The following ARHGAP28 variants were observed in gnomAD, a reference collection of about 807,000 sequenced individuals.
ARHGAP28 encodes Rho GTPase activating protein 28.
A neutral mutation model predicts 90.7 loss-of-function variants in ARHGAP28; 56 were observed. The observed-to-expected ratio is 0.62, with a 90% CI of 0.50 to 0.77. The LOEUF is 0.77. ARHGAP28 is among the 30% of genes least tolerant of loss of function. The pLI is 0.00. For missense variants in ARHGAP28, 869 were observed against 900.9 expected (o/e 0.96, Z 0.45); for synonymous variants, 308 against 323.3 (o/e 0.95, Z 0.51).
At chr18:6,840,060 C>G (rs541997639) in intron 3 of ARHGAP28, among the ~76,000 whole-genome samples, 1 of 152,204 alleles carries the variant, frequency 6.6e-6, no homozygotes. Flanking sequence ...TTCTTGTATC[C>G]CCCGAAGTGG....
chr18:6,758,658 A>G (rs1486282586), intron 1 of ARHGAP28, among the ~76,000 whole-genome samples: 1 of 152,222 alleles, frequency 6.6e-6, no homozygotes, highest in African/African-American at 2.4e-5. Flanking sequence ...CCAGAAAACC[A>G]GAAGGGAAAG....
intron 1 of ARHGAP28, among the ~76,000 whole-genome samples, chr18:6,813,984 AAGCAG>A (rs1567956185): frequency 6.6e-6 from 1 of 152,096 alleles, no homozygotes; most frequent in Non-Finnish European, 1.5e-5. Flanking sequence ...GGAACTTAGG[AAGCAG>A]CCTTCTCAAA....
intron 16 of ARHGAP28, among the ~76,000 whole-genome samples, chr18:6,908,135 A>ATTTTG (rs1225820626): frequency 6.6e-6 from 1 of 151,214 alleles, no homozygotes; most frequent in Non-Finnish European, 1.5e-5. Context: ...GTTTTATTTT[A>ATTTTG]TTTTATTTTA....
intron 1 of ARHGAP28, among the ~76,000 whole-genome samples, chr18:6,802,335 CTTTTTTTTT>C (rs35950139): frequency 1.9e-4 from 10 of 52,762 alleles, no homozygotes; most frequent in African/African-American, 2.3e-4. Flanking sequence ...TATGGTAGTT[CTTTTTTTTT>C]TTTTTTTTTT....
In ARHGAP28 at chr18:6,826,833, G is replaced by A. The variant is rs550602417; in HGVS notation, c.325+1869G>A. Among the ~76,000 whole-genome samples the A allele has an allele frequency of 9.2e-5, 14 of 151,938 alleles. No homozygotes were observed. The East Asian group carries it at 2.1e-3, about 23-fold the overall frequency. ...GGTTTTCCTAGGCAGAGGACCCTGCGGCCTTCCGCAGTGTTTGTGTCCCTG... is the reference window on the plus strand; with the variant it reads ...GGTTTTCCTAGGCAGAGGACCCTGCAGCCTTCCGCAGTGTTTGTGTCCCTG... On this transcript the variant is annotated intron_variant, in intron 2 of 17. Transcript: ENST00000383472.
At chr18:6,772,942 T>C (rs1439336592) in intron 1 of ARHGAP28, among the ~76,000 whole-genome samples, 1 of 152,106 alleles carries the variant, frequency 6.6e-6, no homozygotes, top group African/African-American at 2.4e-5. Flanking sequence ...GTTTTCACCA[T>C]GTTGGCCAGG....
At chr18:6,851,231 A>G in intron 4 of ARHGAP28, 105 bp downstream of exon 4, 1 of 979,194 alleles carries the variant, frequency 1.0e-6, no homozygotes, top group Non-Finnish European at 1.6e-6. Context: ...AGATGGCTGG[A>G]CAACCACAGA....
intron 16 of ARHGAP28, among the ~76,000 whole-genome samples, chr18:6,904,008 A>G (rs1414606963): frequency 2.0e-5 from 3 of 152,104 alleles, no homozygotes; most frequent in Non-Finnish European, 4.4e-5. Flanking sequence ...TTAAAACTAA[A>G]CCAGATACTT....
chr18:6,802,191 T>A (rs555296223), intron 1 of ARHGAP28, among the ~76,000 whole-genome samples: 1 of 152,268 alleles, frequency 6.6e-6, no homozygotes, highest in Non-Finnish European at 1.5e-5. Context: ...GATTTCCCTA[T>A]TTTGGCTATT....
At chr18:6,764,298 G>A (rs8092311) in intron 1 of ARHGAP28, among the ~76,000 whole-genome samples, 65,128 of 151,990 alleles carry the variant, frequency 0.43, 15,098 homozygotes, top group East Asian at 0.85. Context: ...TAGCATATCA[G>A]CACTGTGACA....
chr18:6,748,753 G>C (rs936269928), intron 1 of ARHGAP28, among the ~76,000 whole-genome samples: 1 of 152,162 alleles, frequency 6.6e-6, no homozygotes, highest in African/African-American at 2.4e-5. Context: ...TTTCCCACAT[G>C]TTTACTGGAA....
intron 17 of ARHGAP28, among the ~76,000 whole-genome samples, chr18:6,909,290 CTTTT>C (rs2057382382): frequency 1.9e-5 from 1 of 53,476 alleles, no homozygotes; most frequent in Non-Finnish European, 5.3e-5. Flanking sequence ...CTTTTCTTTT[CTTTT>C]CTTTTCTTTT....
intron 1 of ARHGAP28, 199 bp downstream of exon 1, chr18:6,730,142 C>T (rs964101041): frequency 1.1e-5 from 5 of 475,920 alleles, no homozygotes; most frequent in Non-Finnish European, 1.7e-5. Context: ...CTCCACCAGC[C>T]TGGGCTGAAG....
intron 5 of ARHGAP28, among the ~76,000 whole-genome samples, chr18:6,866,255 G>A (rs1204687278): frequency 6.6e-6 from 1 of 152,060 alleles, no homozygotes; most frequent in African/African-American, 2.4e-5. Flanking sequence ...ACTCTTTGAC[G>A]TGGCTTTCAA....
intron 3 of ARHGAP28, among the ~76,000 whole-genome samples, chr18:6,845,983 C>T (rs62082812): frequency 0.023 from 3,552 of 152,274 alleles, 63 homozygotes; most frequent in Middle Eastern, 0.051. Context: ...GAATCTGTCT[C>T]AGTAGAAGGC....
intron 1 of ARHGAP28, among the ~76,000 whole-genome samples, chr18:6,772,140 A>T (rs2056247815): frequency 2.0e-5 from 3 of 152,216 alleles, no homozygotes; most frequent in African/African-American, 7.2e-5. Context: ...AAACAAGCCC[A>T]AAAAAGGACT....
At chr18:6,746,404 T>C (rs1486753161) in intron 1 of ARHGAP28, among the ~76,000 whole-genome samples, 1 of 152,224 alleles carries the variant, frequency 6.6e-6, no homozygotes, top group Admixed American at 6.5e-5. Flanking sequence ...ATAGGGTTGA[T>C]TGTGTTCTGA....
chr18:6,730,136 A>G (rs1017348098), intron 1 of ARHGAP28, 193 bp downstream of exon 1: 1 of 503,084 alleles, frequency 2.0e-6, no homozygotes, highest in Admixed American at 4.6e-5. Context: ...CGAAGGCTCC[A>G]CCAGCCTGGG....
intron 1 of ARHGAP28, among the ~76,000 whole-genome samples, chr18:6,800,137 T>C (rs1418816140): frequency 1.3e-5 from 2 of 152,066 alleles, no homozygotes; most frequent in African/African-American, 4.8e-5. Context: ...ATTAGAGAAA[T>C]GCAAACCAAA....
Sources: allele counts gnomAD v4.1 joint callset (sites outside exome capture counted in the v4.1 genomes callset), GRCh38; gene constraint gnomAD v4.1.1; transcripts MANE v1.5; gene names NCBI Gene and HGNC (gene_info 2026-07-23, HGNC 2026-07-21).